The following CTNNA3 variants were observed in gnomAD, a reference collection of about 807,000 sequenced individuals.
The protein encoded by CTNNA3 is catenin alpha 3, also known as catenin alpha-3.
CTNNA3 carries 76 observed loss-of-function variants against 95.7 expected under a neutral mutation model. The observed-to-expected ratio is 0.79, with a 90% CI of 0.66 to 0.96. The LOEUF is 0.96. Ranked by LOEUF, CTNNA3 falls within the 40% of genes least tolerant of loss-of-function variation. The pLI is 0.00. For synonymous variants in CTNNA3, 431 were observed against 374.4 expected (o/e 1.15, Z -1.74); for missense variants, 1,191 against 1,089.8 (o/e 1.09, Z -1.31).
At chr10:67,049,468 C>G (rs909456222) in intron 7 of CTNNA3, among the ~76,000 whole-genome samples, 3 of 152,124 alleles carry the variant, frequency 2.0e-5, no homozygotes, top group African/African-American at 7.2e-5. Flanking sequence ...ATCCTTGACT[C>G]TAAGAATATA....
At chr10:66,923,764 GT>G (rs1846916736) in intron 7 of CTNNA3, among the ~76,000 whole-genome samples, 1 of 152,086 alleles carries the variant, frequency 6.6e-6, no homozygotes, top group East Asian at 1.9e-4. Context: ...ATTGTTTCCA[GT>G]CTCACTGACT....
intron 13 of CTNNA3, among the ~76,000 whole-genome samples, chr10:66,149,563 C>A (rs906979086): frequency 1.3e-5 from 2 of 151,202 alleles, no homozygotes; most frequent in Non-Finnish European, 3.0e-5. Context: ...ATCAATTATA[C>A]TGTTAGTTTT....
At chr10:66,533,657 C>T (rs987899965) in intron 10 of CTNNA3, among the ~76,000 whole-genome samples, 1 of 152,230 alleles carries the variant, frequency 6.6e-6, no homozygotes, top group East Asian at 1.9e-4. Context: ...CCCATGTAAC[C>T]AGGGCTCCAG....
At chr10:67,744,779 C>T (rs1214922430) in intron 1 of CTNNA3, among the ~76,000 whole-genome samples, 3 of 151,938 alleles carry the variant, frequency 2.0e-5, no homozygotes, top group Non-Finnish European at 2.9e-5. Context: ...TATCCAGAAT[C>T]TACAATGAAT....
At chr10:66,389,120 C>G (rs977772977) in intron 11 of CTNNA3, among the ~76,000 whole-genome samples, 3 of 152,140 alleles carry the variant, frequency 2.0e-5, no homozygotes. Flanking sequence ...TTGTATACAA[C>G]TTCCTACTGT....
chr10:66,252,294 T>C (rs542048070), intron 13 of CTNNA3, among the ~76,000 whole-genome samples: 1 of 152,222 alleles, frequency 6.6e-6, no homozygotes, highest in Non-Finnish European at 1.5e-5. Context: ...ATTTTCAAGT[T>C]TATTTGCCTA....
chr10:66,278,687 G>A (rs1185505610), intron 13 of CTNNA3, among the ~76,000 whole-genome samples: 1 of 151,952 alleles, frequency 6.6e-6, no homozygotes, highest in Non-Finnish European at 1.5e-5. Flanking sequence ...TCCATCCCTA[G>A]ATAGCTTTAG....
In CTNNA3 at chr10:65,920,142, CA is replaced by C; in HGVS notation, c.*187del. 1 of 592,440 alleles carries C rather than the reference CA, an allele frequency of 1.7e-6. No individual in the cohort carries two copies. Among genetic ancestry groups the C allele is most frequent in the East Asian group, 2.8e-5 (1 of 35,842 alleles). 36.7% of individuals were successfully genotyped at this position (592,440 alleles called of 1,614,324 possible). ...TATTCCTTAACTATTAGGTGCTGACCATACAGAAATGACAGTGATATGATCC... is the reference window on the plus strand; with the variant it reads ...TATTCCTTAACTATTAGGTGCTGACCTACAGAAATGACAGTGATATGATCC... On this transcript the variant is annotated 3_prime_UTR_variant, in exon 18 of 18. Transcript: ENST00000433211.
chr10:67,494,489 C>A (rs1387582590), intron 5 of CTNNA3, among the ~76,000 whole-genome samples: 2 of 152,160 alleles, frequency 1.3e-5, no homozygotes, highest in Non-Finnish European at 2.9e-5. Flanking sequence ...AAAATAGCAG[C>A]AGCTACCTAC....
At chr10:67,050,034 C>T (rs1322552808) in intron 7 of CTNNA3, among the ~76,000 whole-genome samples, 3 of 152,074 alleles carry the variant, frequency 2.0e-5, no homozygotes, top group Non-Finnish European at 2.9e-5. Context: ...CTGATCTCAC[C>T]AATTCATTGA....
At chr10:67,096,536 A>C (rs781155978) in intron 7 of CTNNA3, among the ~76,000 whole-genome samples, 3 of 151,944 alleles carry the variant, frequency 2.0e-5, no homozygotes, top group Non-Finnish European at 4.4e-5. Context: ...ATTCAACAGC[A>C]TGAATTAGTA....
chr10:66,127,791 A>G (rs2082893557), intron 13 of CTNNA3, among the ~76,000 whole-genome samples: 1 of 152,312 alleles, frequency 6.6e-6, no homozygotes, highest in Non-Finnish European at 1.5e-5. Context: ...CTTCTCAATT[A>G]TTCTGTAAAA....
rs140030142 is a variant in CTNNA3, at chr10:67,252,342, G to C, written c.580-32472C>G. 4.1e-3 allele frequency among the ~76,000 whole-genome samples: 628 copies of C among 152,004 alleles called. 1 individual carries two copies. The highest frequency in any genetic ancestry group is 0.034 in the Middle Eastern group (10 of 294). On this transcript the variant is annotated intron_variant, in intron 5 of 17. Transcript: ENST00000433211. ...ACAGTCATCCCCCTTATCTGCAAAA[G>C]ATATGCTCCAAGACCCTCAGTGGAT...
At chr10:67,526,058 A>C (rs1279122365) in intron 4 of CTNNA3, among the ~76,000 whole-genome samples, 1 of 152,216 alleles carries the variant, frequency 6.6e-6, no homozygotes, top group South Asian at 2.1e-4. Context: ...CTAAAGCAGA[A>C]GGAAAGAATA....
intron 8 of CTNNA3, among the ~76,000 whole-genome samples, chr10:66,769,439 C>A (rs1210156168): frequency 6.6e-6 from 1 of 152,180 alleles, no homozygotes; most frequent in Admixed American, 6.5e-5. Flanking sequence ...GTCTAACTTG[C>A]TGGTTCCTGA....
chr10:66,289,066 T>C (rs911695968), intron 12 of CTNNA3, among the ~76,000 whole-genome samples: 1 of 152,052 alleles, frequency 6.6e-6, no homozygotes, highest in Non-Finnish European at 1.5e-5. Context: ...ATTCTACAGC[T>C]GATGAAATTG....
intron 11 of CTNNA3, among the ~76,000 whole-genome samples, chr10:66,490,481 T>C (rs1407821918): frequency 2.6e-5 from 4 of 152,194 alleles, no homozygotes; most frequent in Non-Finnish European, 5.9e-5. Context: ...TTAAAGATAG[T>C]GTAAGCAATG....
intron 11 of CTNNA3, among the ~76,000 whole-genome samples, chr10:66,413,788 T>G (rs2132605534): frequency 6.6e-6 from 1 of 152,298 alleles, no homozygotes; most frequent in East Asian, 1.9e-4. Flanking sequence ...GTGTGGATTC[T>G]TAATAACAGA....
chr10:67,349,461 A>G (rs1842553353), intron 5 of CTNNA3, among the ~76,000 whole-genome samples: 1 of 152,222 alleles, frequency 6.6e-6, no homozygotes, highest in South Asian at 2.1e-4. Flanking sequence ...CAAAGGACAA[A>G]TACTGCATGA....
Sources: gnomAD v4.1 joint callset for allele counts (sites outside exome capture counted in the v4.1 genomes callset) on GRCh38, gnomAD v4.1.1 for gene constraint, MANE v1.5 for transcripts, NCBI Gene and HGNC (gene_info 2026-07-23, HGNC 2026-07-21) for gene names.